Variants in AGO4 observed in about 807,000 individuals in gnomAD.
The protein encoded by AGO4 is argonaute RISC component 4, also known as protein argonaute-4.
AGO4 carries 33 observed loss-of-function variants against 104.7 expected under a neutral mutation model. The observed-to-expected ratio is 0.32, with a 90% CI of 0.24 to 0.42. The LOEUF is 0.42. Ranked by LOEUF, AGO4 falls within the 10% of genes least tolerant of loss-of-function variation. The pLI is 1.00. For synonymous variants in AGO4, 331 were observed against 364.7 expected, an observed-to-expected ratio of 0.91 and a Z score of 1.05; for missense variants, 711 against 1,083.4, an observed-to-expected ratio of 0.66 and a Z score of 4.83.
intron 11 of AGO4, 59 bp from the exon 12 acceptor site, chr1:35,833,931 G>T: frequency 7.8e-7 from 1 of 1,281,156 alleles, no homozygotes; most frequent in Non-Finnish European, 1.0e-6. Context: ...AGAGGAAAAT[G>T]AATGCTAGAA....
rs1318135676 is a variant in AGO4 at position 35,831,508 on chromosome 1, G to A, written c.930G>A (p.Leu310=). 12 of 1,613,990 alleles carry A rather than the reference G, an allele frequency of 7.4e-6. No individual in the cohort carries two copies. The highest frequency in any genetic ancestry group is 1.0e-5 in the Non-Finnish European group (12 of 1,180,020). The change falls in exon 8 of 18, where the codon CTG becomes CTA. Residue 310 remains leucine, a synonymous_variant. Coordinates refer to ENST00000373210, the MANE Select transcript of AGO4 (RefSeq NM_017629.4). ...QYFKQKYSLQ[L]KYPHLPCLQV... is the part of the protein sequence containing the mutation. ...TTAAGCAAAAGTATAGTCTGCAACT[G>A]AAATACCCCCATCTTCCCTGTCTCC...
intron 7 of AGO4, among the ~76,000 whole-genome samples, chr1:35,827,293 G>C (rs1295750387): frequency 6.6e-6 from 1 of 151,820 alleles, no homozygotes; most frequent in Non-Finnish European, 1.5e-5. Context: ...GCCGAGCCAG[G>C]CAGATCACTT....
At chr1:35,816,818 A>T (rs11810620) in intron 1 of AGO4, 64 bp from the exon 2 acceptor site, 48 of 1,414,732 alleles carry the variant, frequency 3.4e-5, no homozygotes, top group African/African-American at 1.0e-4. Context: ...AAAAAAAAAA[A>T]AAAGAAAGAA....
rs1327201884 is a variant in AGO4, at chr1:35,808,503, C to G, written c.19+68C>G. 1 of 1,165,472 alleles carries G rather than the reference C, an allele frequency of 8.6e-7. No homozygotes were observed. Among genetic ancestry groups the G allele is most frequent in the Non-Finnish European group, 1.1e-6 (1 of 942,210 alleles). 72.2% of individuals were successfully genotyped at this position (1,165,472 alleles called of 1,614,324 possible). A position where few individuals can be genotyped will look rare whatever the true frequency, so the allele number is the denominator to read the frequency against. On this transcript the variant is annotated intron_variant, in intron 1 of 17. Coordinates refer to ENST00000373210, the MANE Select transcript of AGO4 (RefSeq NM_017629.4). This position sits in a 1 kb window ranked among gnomAD's most constrained non-coding sequence, Gnocchi z 5.2. ...ACCCGGGGCGGGCGGCCGGGACTTT[C>G]GCTGCCCCGTCGCCTCGCCGGGTTC...
intron 2 of AGO4, among the ~76,000 whole-genome samples, chr1:35,817,442 T>C (rs1643748120): frequency 6.6e-6 from 1 of 152,076 alleles, no homozygotes; most frequent in Non-Finnish European, 1.5e-5. Context: ...TACAGAAGAT[T>C]ACTTGCAGAT....
rs1011546805 is a variant in AGO4 at position 35,857,222 on chromosome 1, A to G, written c.*3617A>G. The G allele has an allele frequency of 6.6e-6, 1 of 152,194 alleles. No homozygotes were observed. The highest frequency in any genetic ancestry group is 1.5e-5 in the Non-Finnish European group (1 of 68,028). 9.4% of individuals were successfully genotyped at this position (152,194 alleles called of 1,614,324 possible). On this transcript the variant is annotated 3_prime_UTR_variant, in exon 18 of 18. Transcript: ENST00000373210. ...TGTGATATTTTCTTGCTCAATAGCA[A>G]GGTGGTAGCTCTGCTTTCATTTTAA...
rs775534288 is a variant in AGO4, at chr1:35,817,051, AG to A, written c.185+6del. The A allele has an allele frequency of 1.9e-6, 3 of 1,595,770 alleles. No homozygotes were observed. The South Asian group carries it at 3.4e-5, about 18-fold the overall frequency. On this transcript the variant is annotated splice_donor_5th_base_variant and intron_variant, in intron 2 of 17. Transcript: ENST00000373210. ...AACGGCCTCGTAGAGTCAACAGGTA[AG>A]GATTAGAAACAGTGGATTTCTGTAT...
intron 12 of AGO4, among the ~76,000 whole-genome samples, chr1:35,835,006 C>CTTTTTTTTTTTT (rs34516326): frequency 9.7e-6 from 1 of 102,972 alleles, no homozygotes; most frequent in Non-Finnish European, 1.9e-5. Flanking sequence ...CAGTTTTAAA[C>CTTTTTTTTTTTT]TTTTTTTTTT....
At chr1:35,852,892 G>A (rs966466244) in intron 17 of AGO4, among the ~76,000 whole-genome samples, 5 of 152,150 alleles carry the variant, frequency 3.3e-5, no homozygotes, top group Admixed American at 3.3e-4. Context: ...ATCTTTATAT[G>A]GATACTGTTA....
At chr1:35,839,367 C>G (rs763984592) in intron 13 of AGO4, among the ~76,000 whole-genome samples, 2 of 152,142 alleles carry the variant, frequency 1.3e-5, no homozygotes, top group African/African-American at 4.8e-5. Context: ...TTAATTTTAA[C>G]CCAAACATTT....
Position 35,831,486 on chromosome 1 carries a change from A to G in AGO4, c.908A>G (p.Lys303Arg), listed in dbSNP as rs1302446582. 2 of 1,614,180 alleles carry G rather than the reference A, an allele frequency of 1.2e-6. No homozygotes were observed. The highest frequency in any genetic ancestry group is 3.3e-5 in the Admixed American group (2 of 60,018). Residue 303 changes from lysine to arginine, a missense_variant, in exon 8 of 18, where the codon AAG becomes AGG. By Grantham distance (26) the Lys-to-Arg change is conservative (BLOSUM62 2). Around this residue, in one of 3 missense-constraint regions of AGO4, gnomAD observed 308 missense variants for 397.8 expected, o/e 0.77. Transcript: ENST00000373210. Reference sequence around the variant, plus strand: ...GAATGTACAGTAGCTCAATATTTTAAGCAAAAGTATAGTCTGCAACTGAAA... The same window carrying G: ...GAATGTACAGTAGCTCAATATTTTAGGCAAAAGTATAGTCTGCAACTGAAA... The part of the protein sequence containing the change: ...AMECTVAQYF[K>R]QKYSLQLKYP...
chr1:35,836,652 G>A (rs559983331), intron 13 of AGO4, among the ~76,000 whole-genome samples: 21 of 151,990 alleles, frequency 1.4e-4, no homozygotes, highest in Admixed American at 6.5e-4. Context: ...CTTGTGATCC[G>A]CCCGTCTCGG....
intron 7 of AGO4, among the ~76,000 whole-genome samples, chr1:35,829,116 C>T (rs2148664853): frequency 6.6e-6 from 1 of 151,056 alleles, no homozygotes; most frequent in South Asian, 2.1e-4. Flanking sequence ...TAGTGCATAT[C>T]AAAATCACCC....
chr1:35,841,719 C>T lies in AGO4; in HGVS notation c.2144C>T (p.Thr715Ile), dbSNP rs772121243. ...ATTGTGGTGCAAAAAAGACATCACACACGACTCTTCTGTGCAGATAAAACA... is the reference window on the plus strand; with the variant it reads ...ATTGTGGTGCAAAAAAGACATCACATACGACTCTTCTGTGCAGATAAAACA... ...TYIVVQKRHHTRLFCADKTER... is the reference protein window; with the variant it reads ...TYIVVQKRHHIRLFCADKTER... The change falls in exon 15 of 18, where the codon ACA (threonine) becomes ATA (isoleucine). Residue 715 changes from threonine (T) to isoleucine (I), a missense_variant. By Grantham distance (89) the Thr-to-Ile change is moderately conservative. Around this residue, in one of 3 missense-constraint regions of AGO4, gnomAD observed 401 missense variants for 665.5 expected, o/e 0.60. Transcript: ENST00000373210. The surrounding 1 kb of genome is among the most constrained non-coding windows in gnomAD (Gnocchi z 4.7). The T allele has an allele frequency of 6.2e-7, 1 of 1,613,896 alleles. No homozygotes were observed. Among genetic ancestry groups the T allele is most frequent in the South Asian group, 1.1e-5 (1 of 91,064 alleles).
rs1052736512 is a variant in AGO4 at position 35,857,798 on chromosome 1, T to C, written c.*4193T>C. 2.6e-5 allele frequency: 4 copies of C among 152,254 alleles called. No homozygotes were observed. Among genetic ancestry groups the C allele is most frequent in the Non-Finnish European group, 4.4e-5 (3 of 68,044 alleles). The allele number at this position is 152,254 out of a possible 1,614,324, so 9.4% of individuals were successfully genotyped here. On this transcript the variant is annotated 3_prime_UTR_variant, in exon 18 of 18. Transcript: ENST00000373210. Reference sequence around the variant, plus strand: ...GAACAGTGGAAAAACTTTGTGTTTTTAACTCTTGGGTCTCCCTATTTTTAA... The same window carrying C: ...GAACAGTGGAAAAACTTTGTGTTTTCAACTCTTGGGTCTCCCTATTTTTAA...
At chr1:35,833,956 GA>G (rs1415838284) in intron 11 of AGO4, 33 bp from the exon 12 acceptor site, 10 of 1,413,610 alleles carry the variant, frequency 7.1e-6, no homozygotes, top group African/African-American at 5.8e-5. Context: ...ACTCTGAAAT[GA>G]AAAAAACCGT....
chr1:35,834,613 A>G (rs916101449), intron 12 of AGO4, among the ~76,000 whole-genome samples: 4 of 152,244 alleles, frequency 2.6e-5, no homozygotes, highest in African/African-American at 9.6e-5. Context: ...TGCCACTTCC[A>G]GAAGAGGATT....
chr1:35,820,393 T>C (rs1443179098), intron 2 of AGO4, among the ~76,000 whole-genome samples: 1 of 152,160 alleles, frequency 6.6e-6, no homozygotes, highest in Non-Finnish European at 1.5e-5. Context: ...AGTCTCACTC[T>C]GTCACCCAGG....
rs751943288 is a variant in AGO4 at position 35,825,714 on chromosome 1, C to T, written c.524C>T (p.Pro175Leu). 7 of 1,580,208 alleles carry T rather than the reference C, an allele frequency of 4.4e-6. No individual in the cohort carries two copies. The highest frequency in any genetic ancestry group is 2.7e-5 in the African/African-American group (2 of 73,086). Residue 175 changes from proline (P) to leucine (L), a missense_variant, in exon 5 of 18, where the codon CCG becomes CTG. Physicochemically the swap from Pro to Leu is moderately conservative, Grantham distance 98. Coordinates refer to ENST00000373210, the MANE Select transcript of AGO4 (RefSeq NM_017629.4). Reference sequence around the variant, plus strand: ...GTGGGCCGTTCCTTTTTCTCACCCCCGGAAGGTTACTACCACCCTCTGGGA... The same window carrying T: ...GTGGGCCGTTCCTTTTTCTCACCCCTGGAAGGTTACTACCACCCTCTGGGA... ...TPVGRSFFSP[P>L]EGYYHPLGGG...
Sources: allele counts gnomAD v4.1 joint callset (sites outside exome capture counted in the v4.1 genomes callset), GRCh38; gene constraint gnomAD v4.1.1; regional missense constraint gnomAD v4.1.1; non-coding constraint Gnocchi (gnomAD v3.1); transcripts MANE v1.5; gene names NCBI Gene and HGNC (gene_info 2026-07-23, HGNC 2026-07-21).